The following PRKN variants were observed in gnomAD, a reference collection of about 807,000 sequenced individuals.
The protein encoded by PRKN is E3 ubiquitin-protein ligase parkin.
In PRKN, 56 loss-of-function variants were observed where a neutral mutation model predicts 59.5. That is an observed-to-expected ratio of 0.94 (90% confidence interval 0.76 to 1.18). The LOEUF (loss-of-function observed/expected upper bound fraction) is 1.18. Ranked by LOEUF, PRKN falls within the 50% of genes most tolerant of loss-of-function variation. PRKN has a pLI of 0.00. For synonymous variants in PRKN, 250 were observed against 222.1 expected (o/e 1.13, Z -1.12); for missense variants, 657 against 596.4 (o/e 1.10, Z -1.06).
chr6:162,187,701 T>C (rs974047756), intron 4 of PRKN, among the ~76,000 whole-genome samples: 2 of 152,146 alleles, frequency 1.3e-5, no homozygotes, highest in Non-Finnish European at 2.9e-5. Flanking sequence ...AGAAAATCTA[T>C]TAATATAACA....
intron 1 of PRKN, among the ~76,000 whole-genome samples, chr6:162,475,990 G>T (rs1471340140): frequency 1.4e-5 from 2 of 140,798 alleles, no homozygotes; most frequent in African/African-American, 2.6e-5. Context: ...CTCGTGAGCC[G>T]CCTGCCTTGG....
In PRKN at chr6:161,899,348, G is replaced by C. The variant is rs1017261625; in HGVS notation, c.734+73954C>G. Among the ~76,000 whole-genome samples, 4 of 152,342 alleles carry C rather than the reference G, an allele frequency of 2.6e-5. 1 individual carries two copies. The highest frequency in any genetic ancestry group is 2.6e-4 in the Admixed American group (4 of 15,306). On this transcript the variant is annotated intron_variant, in intron 6 of 11. Coordinates refer to ENST00000366898, the MANE Select transcript of PRKN (RefSeq NM_004562.3). ...GGTTATTATGAGGTTTATTCTGACA[G>C]AGGACAAAGCCTTTCCCCCCTTATT...
chr6:162,335,825 G>A (rs1251686730), intron 2 of PRKN, among the ~76,000 whole-genome samples: 1 of 151,868 alleles, frequency 6.6e-6, no homozygotes, highest in African/African-American at 2.4e-5. Context: ...AGTCCATGCC[G>A]AGTGAAGCGA....
chr6:161,481,959 TC>T (rs1251440588), intron 9 of PRKN, among the ~76,000 whole-genome samples: 1 of 141,264 alleles, frequency 7.1e-6, no homozygotes, highest in African/African-American at 2.6e-5. Flanking sequence ...TTTGTTGGAG[TC>T]ACTTTAGAAC....
chr6:161,553,449 C>G (rs941935008), intron 8 of PRKN, among the ~76,000 whole-genome samples: 2 of 151,756 alleles, frequency 1.3e-5, no homozygotes, highest in Non-Finnish European at 2.9e-5. Context: ...GTCCTCCTTT[C>G]TCCTCTTCCT....
At chr6:162,380,485 A>ATATATG (rs1786407349) in intron 2 of PRKN, among the ~76,000 whole-genome samples, 1 of 38,666 alleles carries the variant, frequency 2.6e-5, no homozygotes, top group Non-Finnish European at 5.5e-5. Context: ...ATATATATGT[A>ATATATG]TATATACACA....
intron 6 of PRKN, among the ~76,000 whole-genome samples, chr6:161,935,569 A>AG (rs1303693165): frequency 1.3e-4 from 19 of 151,386 alleles, no homozygotes; most frequent in Middle Eastern, 6.8e-3. Flanking sequence ...AAAAAAAAAA[A>AG]AAGAAGAAGA....
At chr6:161,905,113 C>T (rs749222365) in intron 6 of PRKN, among the ~76,000 whole-genome samples, 15 of 152,186 alleles carry the variant, frequency 9.9e-5, no homozygotes, top group Non-Finnish European at 1.5e-4. Context: ...CGTCTCCCTC[C>T]ACTTCCCAGC....
intron 9 of PRKN, among the ~76,000 whole-genome samples, chr6:161,513,407 A>AT (rs1307743762): frequency 1.3e-5 from 2 of 151,404 alleles, no homozygotes; most frequent in Non-Finnish European, 2.9e-5. Flanking sequence ...CGCTTGGCTA[A>AT]TTTTTTTTAT....
intron 2 of PRKN, among the ~76,000 whole-genome samples, chr6:162,278,818 A>T (rs2128105688): frequency 6.6e-6 from 1 of 152,274 alleles, no homozygotes; most frequent in Non-Finnish European, 1.5e-5. Flanking sequence ...AATTATGTTT[A>T]GCTTCTTGAG....
chr6:162,228,916 T>A (rs1010364018), intron 3 of PRKN, among the ~76,000 whole-genome samples: 1 of 152,180 alleles, frequency 6.6e-6, no homozygotes, highest in South Asian at 2.1e-4. Flanking sequence ...AGCTTCCACA[T>A]GCACCACCAG....
intron 2 of PRKN, among the ~76,000 whole-genome samples, chr6:162,309,688 T>C (rs1168538101): frequency 6.6e-6 from 1 of 152,198 alleles, no homozygotes; most frequent in Non-Finnish European, 1.5e-5. Flanking sequence ...TATCACATTG[T>C]AATTGTTAGA....
chr6:162,571,606 C>T (rs193285374), intron 1 of PRKN, among the ~76,000 whole-genome samples: 36 of 152,068 alleles, frequency 2.4e-4, no homozygotes, highest in East Asian at 1.6e-3. Context: ...CTTCCCCACA[C>T]GAGAAAACAG....
intron 6 of PRKN, among the ~76,000 whole-genome samples, chr6:161,824,379 T>C (rs1792155578): frequency 6.6e-6 from 1 of 152,228 alleles, no homozygotes; most frequent in African/African-American, 2.4e-5. Context: ...TAAGGCCTTG[T>C]GCATAAACAC....
chr6:162,298,432 A>T (rs1038034388), intron 2 of PRKN, among the ~76,000 whole-genome samples: 5 of 152,018 alleles, frequency 3.3e-5, no homozygotes, highest in East Asian at 3.9e-4. Context: ...TGTTTTTTTT[A>T]AAACTGTTTT....
intron 7 of PRKN, among the ~76,000 whole-genome samples, chr6:161,769,427 C>A (rs1217939774): frequency 6.6e-6 from 1 of 152,166 alleles, no homozygotes; most frequent in Non-Finnish European, 1.5e-5. Context: ...GTACAGGGTC[C>A]TCACTTTGCC....
chr6:162,161,591 C>T (rs1782761883), intron 4 of PRKN, among the ~76,000 whole-genome samples: 1 of 152,122 alleles, frequency 6.6e-6, no homozygotes, highest in Admixed American at 6.5e-5. Context: ...GCGTATCCAC[C>T]CTGTTTCTGC....
At chr6:161,670,061 C>T (rs1196369587) in intron 7 of PRKN, among the ~76,000 whole-genome samples, 1 of 152,198 alleles carries the variant, frequency 6.6e-6, no homozygotes, top group Non-Finnish European at 1.5e-5. Context: ...GAGACATAAG[C>T]GATGTGGCAG....
chr6:161,791,538 C>T (rs1790639327), intron 6 of PRKN, among the ~76,000 whole-genome samples: 2 of 152,172 alleles, frequency 1.3e-5, no homozygotes, highest in Non-Finnish European at 2.9e-5. Flanking sequence ...CTCCATTTGC[C>T]TGATTCTTTC....
Sources: allele counts gnomAD v4.1 joint callset (sites outside exome capture counted in the v4.1 genomes callset), GRCh38; gene constraint gnomAD v4.1.1; transcripts MANE v1.5; gene names NCBI Gene and HGNC (gene_info 2026-07-23, HGNC 2026-07-21).